Variants in ARHGAP21 observed in about 807,000 individuals in gnomAD.
ARHGAP21 encodes rho GTPase-activating protein 21.
Under a neutral mutation model 164.6 loss-of-function variants are expected in ARHGAP21, and 38 were observed. The observed-to-expected ratio is 0.23, with a 90% CI of 0.18 to 0.30. ARHGAP21 has a LOEUF of 0.30. ARHGAP21 is among the 10% of genes least tolerant of loss of function. The pLI is 1.00. For missense variants in ARHGAP21, 1,822 were observed against 2,370.7 expected, an observed-to-expected ratio of 0.77 and a Z score of 4.81; for synonymous variants, 766 against 857.9, an observed-to-expected ratio of 0.89 and a Z score of 1.87.
intron 9 of ARHGAP21, among the ~76,000 whole-genome samples, chr10:24,611,559 C>T (rs576489608): frequency 6.6e-6 from 1 of 152,126 alleles, no homozygotes; most frequent in African/African-American, 2.4e-5. Context: ...CAAAAATTAG[C>T]TGGGCATGGT....
chr10:24,680,740 G>A (rs376151620), intron 2 of ARHGAP21, among the ~76,000 whole-genome samples: 14 of 152,144 alleles, frequency 9.2e-5, no homozygotes, highest in African/African-American at 2.4e-4. Flanking sequence ...CCACATTGCC[G>A]CTGATCTGTT....
At chr10:24,710,786 G>A (rs1844705661) in intron 2 of ARHGAP21, among the ~76,000 whole-genome samples, 1 of 152,130 alleles carries the variant, frequency 6.6e-6, no homozygotes, top group Non-Finnish European at 1.5e-5. Flanking sequence ...AACACAAGTT[G>A]CTTCCTTCCT....
intron 4 of ARHGAP21, among the ~76,000 whole-genome samples, chr10:24,651,687 A>C (rs1838178277): frequency 6.6e-6 from 1 of 152,232 alleles, no homozygotes; most frequent in Admixed American, 6.5e-5. Context: ...AAACTTTATC[A>C]ACATGATCTA....
chr10:24,590,069 G>A, intron 24 of ARHGAP21: 1 of 717,110 alleles, frequency 1.4e-6, no homozygotes. Context: ...GCAATATTCA[G>A]GATAATACCA....
chr10:24,655,078 T>C (rs1215871304), intron 4 of ARHGAP21, among the ~76,000 whole-genome samples: 1 of 152,240 alleles, frequency 6.6e-6, no homozygotes, highest in Non-Finnish European at 1.5e-5. Context: ...CGTAGAAAGC[T>C]GAAACTGGAT....
chr10:24,628,891 A>G (rs1372806485), intron 7 of ARHGAP21: 2 of 106,574 alleles, frequency 1.9e-5, no homozygotes, highest in Non-Finnish European at 4.0e-5. Flanking sequence ...ACACATATAT[A>G]TACATACATA....
intron 11 of ARHGAP21, among the ~76,000 whole-genome samples, chr10:24,605,383 G>A (rs2076980203): frequency 6.6e-6 from 1 of 152,154 alleles, no homozygotes. Flanking sequence ...TGCCATCTTT[G>A]CAGGAAACAG....
intron 2 of ARHGAP21, among the ~76,000 whole-genome samples, chr10:24,674,510 G>T (rs1454044963): frequency 1.3e-5 from 2 of 151,674 alleles, no homozygotes; most frequent in African/African-American, 4.8e-5. Context: ...AACAGAGCCA[G>T]ACTCTGTCTC....
At chr10:24,704,465 A>T (rs1169046307) in intron 2 of ARHGAP21, among the ~76,000 whole-genome samples, 53 of 142,754 alleles carry the variant, frequency 3.7e-4, no homozygotes, top group South Asian at 4.5e-4. Context: ...TTATTTTTCT[A>T]TTTTTTTTTT....
chr10:24,633,528 C>T, intron 5 of ARHGAP21, 48 bp from the exon 6 acceptor site: 6 of 1,179,356 alleles, frequency 5.1e-6, no homozygotes, highest in Non-Finnish European at 7.4e-6. Flanking sequence ...CAGAAAGTCA[C>T]TTTTGAACAC....
chr10:24,701,988 A>G (rs1294063072), intron 2 of ARHGAP21, among the ~76,000 whole-genome samples: 2 of 152,182 alleles, frequency 1.3e-5, no homozygotes, highest in Non-Finnish European at 2.9e-5. Context: ...GTGATATGCC[A>G]TATATATGAA....
At chr10:24,592,155 GATTTT>G in intron 21 of ARHGAP21, 143 bp from the exon 22 acceptor site, 1 of 295,970 alleles carries the variant, frequency 3.4e-6, no homozygotes, top group Non-Finnish European at 5.4e-6. Context: ...TTTCTAGCAA[GATTTT>G]TTTTTTTTTT....
At position 24,595,109 on chromosome 10, in the gene ARHGAP21, A is replaced by G. The variant is rs747253668; in HGVS notation, c.3786+8T>C. 1.9e-5 allele frequency: 31 copies of G among 1,607,178 alleles called. 1 individual carries two copies. The Middle Eastern group carries it at 6.6e-4, about 34-fold the overall frequency. ...GTTGTATCCCCCAAAATATAAAATAATACCTACTAGTCTTTTTAATGTTTT... is the reference window on the plus strand; with the variant it reads ...GTTGTATCCCCCAAAATATAAAATAGTACCTACTAGTCTTTTTAATGTTTT... On this transcript the variant is annotated splice_region_variant and intron_variant, in intron 20 of 25. Transcript: ENST00000396432.
intron 6 of ARHGAP21, among the ~76,000 whole-genome samples, chr10:24,631,110 G>A (rs1358640888): frequency 6.6e-6 from 1 of 152,180 alleles, no homozygotes; most frequent in Non-Finnish European, 1.5e-5. Flanking sequence ...GCCGGGCGAA[G>A]TGGCTTACGT....
intron 4 of ARHGAP21, among the ~76,000 whole-genome samples, chr10:24,647,104 T>C (rs963256633): frequency 6.6e-6 from 1 of 152,220 alleles, no homozygotes; most frequent in Non-Finnish European, 1.5e-5. Flanking sequence ...AAGAGATTTT[T>C]TAAATTTCAT....
Position 24,585,065 on chromosome 10 carries a change from A to C in ARHGAP21, c.5224T>G (p.Ser1742Ala). The C allele has an allele frequency of 1.2e-6, 2 of 1,613,724 alleles. No individual in the cohort carries two copies. Among genetic ancestry groups the C allele is most frequent in the Non-Finnish European group, 1.7e-6 (2 of 1,179,830 alleles). The change falls in exon 26 of 26, where the codon TCA (serine) becomes GCA (alanine). Residue 1742 changes from serine to alanine, a missense_variant. Physicochemically the swap from Ser to Ala is moderately conservative, Grantham distance 99. Around this residue, in one of 5 missense-constraint regions of ARHGAP21, gnomAD observed 117 missense variants for 193.2 expected, o/e 0.61. Transcript: ENST00000396432. Reference sequence around the variant, plus strand: ...GTGGGTGTCAGTAAACTCCCAGTTGACTTTCCTTTTTTCATAACATCAAAC... The same window carrying C: ...GTGGGTGTCAGTAAACTCCCAGTTGCCTTTCCTTTTTTCATAACATCAAAC... Reference protein sequence around the residue: ...KVFDVMKKGKSTGSLLTPTRG... With the variant: ...KVFDVMKKGKATGSLLTPTRG...
At chr10:24,659,206 AAAC>A (rs1839418057) in intron 4 of ARHGAP21, among the ~76,000 whole-genome samples, 1 of 152,240 alleles carries the variant, frequency 6.6e-6, no homozygotes, top group Non-Finnish European at 1.5e-5. Flanking sequence ...CAAAAATTGA[AAAC>A]AAGAATTCAG....
At chr10:24,660,814 G>C (rs12220759) in intron 4 of ARHGAP21, among the ~76,000 whole-genome samples, 43,453 of 152,000 alleles carry the variant, frequency 0.29, 6,403 homozygotes, top group East Asian at 0.32. Flanking sequence ...TGCAGCGATT[G>C]TGAAGAAAGT....
At chr10:24,597,035 A>G (rs1404714358) in intron 16 of ARHGAP21, among the ~76,000 whole-genome samples, 153 bp from the exon 17 acceptor site, 2 of 151,938 alleles carry the variant, frequency 1.3e-5, no homozygotes, top group African/African-American at 4.8e-5. Flanking sequence ...GTTCTCTTCC[A>G]TATAACTTTT....
Sources: allele counts gnomAD v4.1 joint callset (sites outside exome capture counted in the v4.1 genomes callset), GRCh38; gene constraint gnomAD v4.1.1; regional missense constraint gnomAD v4.1.1; transcripts MANE v1.5; gene names NCBI Gene and HGNC (gene_info 2026-07-23, HGNC 2026-07-21).